RBM25: variants seen among roughly 807,000 people sequenced by gnomAD.
The protein encoded by RBM25 is RNA binding motif protein 25, also known as RNA-binding protein 25.
In RBM25, 19 loss-of-function variants were observed where a neutral mutation model predicts 120.7. That is an observed-to-expected ratio of 0.16 (90% CI 0.11 to 0.23). The LOEUF (loss-of-function observed/expected upper bound fraction) is 0.23. Ranked by LOEUF, RBM25 falls within the 10% of genes least tolerant of loss-of-function variation. RBM25 has a pLI of 1.00. For synonymous variants in RBM25, 390 were observed against 326.7 expected (o/e 1.19, Z -2.09); for missense variants, 605 against 1,041.5 (o/e 0.58, Z 5.77).
At chr14:73,069,684 C>T (rs1033546704) in intron 1 of RBM25, among the ~76,000 whole-genome samples, 4 of 140,576 alleles carry the variant, frequency 2.8e-5, no homozygotes, top group South Asian at 2.3e-4. Context: ...GTGTCCGCCT[C>T]GGCCTCCCAA....
intron 1 of RBM25, among the ~76,000 whole-genome samples, chr14:73,061,033 G>A (rs142010458): frequency 6.7e-6 from 1 of 150,338 alleles, no homozygotes; most frequent in Admixed American, 6.7e-5. Context: ...AGATTTTGCC[G>A]ATTTTTCTGA....
intron 10 of RBM25, 86 bp downstream of exon 10, chr14:73,103,564 A>C (rs1896098399): frequency 6.0e-6 from 9 of 1,495,356 alleles, no homozygotes; most frequent in Non-Finnish European, 7.1e-6. Flanking sequence ...CATTCATGGA[A>C]TGAGAACTTT....
At chr14:73,095,592 G>A (rs1220476015) in intron 6 of RBM25, among the ~76,000 whole-genome samples, 1 of 148,592 alleles carries the variant, frequency 6.7e-6, no homozygotes, top group African/African-American at 2.5e-5. Context: ...GGGCAACAGA[G>A]CAAGACTCCG....
intron 14 of RBM25, among the ~76,000 whole-genome samples, chr14:73,109,936 G>A (rs533808713): frequency 6.6e-6 from 1 of 151,930 alleles, no homozygotes; most frequent in East Asian, 1.9e-4. Context: ...CCAGGCTGGA[G>A]TGCAGTGGTG....
chr14:73,065,350 A>G (rs928522777), intron 1 of RBM25, among the ~76,000 whole-genome samples: 1 of 151,070 alleles, frequency 6.6e-6, no homozygotes, highest in Non-Finnish European at 1.5e-5. Flanking sequence ...CTGGTCTCCA[A>G]CTCCTGACCT....
intron 1 of RBM25, among the ~76,000 whole-genome samples, chr14:73,069,417 C>T (rs56334629): frequency 0.012 from 1,765 of 152,138 alleles, 31 homozygotes; most frequent in African/African-American, 0.038. Context: ...TTCTGTAAAA[C>T]ATGAAAGACA....
At chr14:73,083,114 A>G (rs1895603175) in intron 4 of RBM25, among the ~76,000 whole-genome samples, 2 of 152,182 alleles carry the variant, frequency 1.3e-5, no homozygotes, top group South Asian at 4.1e-4. Flanking sequence ...ATACATACAT[A>G]TTGTTTCAAA....
chr14:73,117,218 T>TAA (rs1896452286), intron 18 of RBM25, among the ~76,000 whole-genome samples: 2 of 26,708 alleles, frequency 7.5e-5, no homozygotes, highest in African/African-American at 2.1e-4. Flanking sequence ...TTCTTTTTTT[T>TAA]TTTTTTTTTT....
chr14:73,076,599 T>C (rs1895428053), intron 3 of RBM25, among the ~76,000 whole-genome samples: 1 of 152,220 alleles, frequency 6.6e-6, no homozygotes, highest in Non-Finnish European at 1.5e-5. Context: ...TCTATGATTT[T>C]CCTGTTACTA....
intron 3 of RBM25, 65 bp downstream of exon 3, chr14:73,076,433 A>C: frequency 7.2e-7 from 1 of 1,384,518 alleles, no homozygotes. Flanking sequence ...GCTGAACAGC[A>C]TGATAAACTT....
intron 4 of RBM25, among the ~76,000 whole-genome samples, chr14:73,079,560 G>A (rs1895510148): frequency 6.6e-6 from 1 of 150,604 alleles, no homozygotes; most frequent in African/African-American, 2.4e-5. Flanking sequence ...TCAACCTGTG[G>A]TTCACCTCAT....
chr14:73,090,555 A>G (rs1360354795), intron 6 of RBM25, among the ~76,000 whole-genome samples: 1 of 152,234 alleles, frequency 6.6e-6, no homozygotes, highest in Non-Finnish European at 1.5e-5. Flanking sequence ...CTTGATTCAT[A>G]CAGACTTTAT....
At chr14:73,103,765 C>A (rs1345104730) in intron 10 of RBM25, among the ~76,000 whole-genome samples, 4 of 151,922 alleles carry the variant, frequency 2.6e-5, no homozygotes, top group Non-Finnish European at 5.9e-5. Context: ...TGTTAATCAG[C>A]CTGGTTTTGA....
intron 4 of RBM25, among the ~76,000 whole-genome samples, chr14:73,078,640 C>G (rs1895482618): frequency 6.6e-6 from 1 of 152,174 alleles, no homozygotes; most frequent in Non-Finnish European, 1.5e-5. Context: ...CAGATTTGCT[C>G]TGTCACACAG....
intron 1 of RBM25, among the ~76,000 whole-genome samples, chr14:73,065,308 A>T (rs1320625544): frequency 6.6e-6 from 1 of 151,880 alleles, no homozygotes; most frequent in Non-Finnish European, 1.5e-5. Flanking sequence ...TTTGTATTTT[A>T]GTAGAGACGG....
chr14:73,081,075 T>C (rs1895551805), intron 4 of RBM25, among the ~76,000 whole-genome samples: 1 of 152,148 alleles, frequency 6.6e-6, no homozygotes, highest in Non-Finnish European at 1.5e-5. Flanking sequence ...TCTCCCTGCC[T>C]CAGCCTCCCA....
intron 1 of RBM25, chr14:73,068,250 T>C: frequency 1.2e-6 from 1 of 862,356 alleles, no homozygotes; most frequent in Non-Finnish European, 2.0e-6. Flanking sequence ...TTAATATTTT[T>C]ATAAACCATT....
intron 9 of RBM25, chr14:73,101,126 T>A (rs1234021253): frequency 1.3e-5 from 2 of 152,194 alleles, no homozygotes; most frequent in Admixed American, 1.3e-4. Context: ...CTGGAGGGAA[T>A]GTTTTGAATT....
At chr14:73,100,471 C>G (rs1015202907) in intron 9 of RBM25, 3 of 492,126 alleles carry the variant, frequency 6.1e-6, no homozygotes, top group African/African-American at 2.0e-5. Context: ...AAATCCCACT[C>G]ACGAGTTTTG....
Sources: gnomAD v4.1 joint callset for allele counts (sites outside exome capture counted in the v4.1 genomes callset) on GRCh38, gnomAD v4.1.1 for gene constraint, MANE v1.5 for transcripts, NCBI Gene and HGNC (gene_info 2026-07-23, HGNC 2026-07-21) for gene names.